The following PACS1 variants were observed in gnomAD, a reference collection of about 807,000 sequenced individuals.
PACS1 encodes phosphofurin acidic cluster sorting protein 1.
In PACS1, 24 loss-of-function variants were observed where a neutral mutation model predicts 115.0. The ratio of observed to expected loss-of-function variants is 0.21; its 90% CI spans 0.15 to 0.29. The LOEUF is 0.29. Ranked by LOEUF, PACS1 falls within the 10% of genes least tolerant of loss-of-function variation. PACS1 has a pLI of 1.00. For synonymous variants in PACS1, 453 were observed against 504.5 expected, an observed-to-expected ratio of 0.90 and a Z score of 1.37; for missense variants, 838 against 1,251.2, an observed-to-expected ratio of 0.67 and a Z score of 4.98.
chr11:66,160,712 C>T (rs1010579589), intron 1 of PACS1, among the ~76,000 whole-genome samples: 1 of 140,826 alleles, frequency 7.1e-6, no homozygotes, highest in Non-Finnish European at 1.5e-5. Flanking sequence ...GTGGGGATGA[C>T]GTCTCACTAT....
intron 1 of PACS1, among the ~76,000 whole-genome samples, chr11:66,149,250 C>T (rs1301110100): frequency 6.6e-6 from 1 of 152,004 alleles, no homozygotes; most frequent in Non-Finnish European, 1.5e-5. Context: ...CGCCACCACA[C>T]ATGACTAATT....
At chr11:66,114,271 A>C (rs2134550087) in intron 1 of PACS1, among the ~76,000 whole-genome samples, 1 of 152,210 alleles carries the variant, frequency 6.6e-6, no homozygotes, top group South Asian at 2.1e-4. Context: ...ACAAAAAATT[A>C]GCCGGGAGTA....
At chr11:66,237,365 T>C (rs1293154859) in intron 19 of PACS1, among the ~76,000 whole-genome samples, 1 of 152,192 alleles carries the variant, frequency 6.6e-6, no homozygotes, top group Admixed American at 6.5e-5. Context: ...CCCCACCAGC[T>C]TGTATCTTTT....
At chr11:66,091,177 T>A (rs1857652968) in intron 1 of PACS1, among the ~76,000 whole-genome samples, 1 of 152,214 alleles carries the variant, frequency 6.6e-6, no homozygotes, top group Middle Eastern at 3.2e-3. Flanking sequence ...AGACTCTCAC[T>A]CCAGCCCAGG....
intron 1 of PACS1, among the ~76,000 whole-genome samples, chr11:66,154,941 CAT>C (rs1859318653): frequency 6.6e-6 from 1 of 152,154 alleles, no homozygotes; most frequent in Non-Finnish European, 1.5e-5. Context: ...AAATAATAGA[CAT>C]GTACATAAAT....
chr11:66,171,692 G>A (rs1231698657), intron 1 of PACS1, among the ~76,000 whole-genome samples: 1 of 149,946 alleles, frequency 6.7e-6, no homozygotes, highest in Non-Finnish European at 1.5e-5. Flanking sequence ...CTATTCTCCT[G>A]CCTCAGCCTC....
At chr11:66,079,890 T>C (rs2134499206) in intron 1 of PACS1, among the ~76,000 whole-genome samples, 1 of 152,336 alleles carries the variant, frequency 6.6e-6, no homozygotes, top group Non-Finnish European at 1.5e-5. Flanking sequence ...CACCCTCGCC[T>C]TAGGGCTTTT....
At chr11:66,092,003 G>C (rs1565102847) in intron 1 of PACS1, among the ~76,000 whole-genome samples, 1 of 152,124 alleles carries the variant, frequency 6.6e-6, no homozygotes, top group Non-Finnish European at 1.5e-5. Context: ...TGTTGTTATA[G>C]CAGCATGATT....
chr11:66,201,241 A>T (rs1854787468), intron 2 of PACS1, among the ~76,000 whole-genome samples: 1 of 152,136 alleles, frequency 6.6e-6, no homozygotes, highest in South Asian at 2.1e-4. Flanking sequence ...AGTTGAAATA[A>T]TATCAGGCAT....
At chr11:66,218,851 T>G (rs538728824) in intron 7 of PACS1, among the ~76,000 whole-genome samples, 4 of 139,808 alleles carry the variant, frequency 2.9e-5, no homozygotes, top group African/African-American at 1.0e-4. Flanking sequence ...AGAGCAAGAC[T>G]CCATCTCTAA....
intron 1 of PACS1, among the ~76,000 whole-genome samples, chr11:66,149,854 A>G (rs2134606723): frequency 6.6e-6 from 1 of 152,166 alleles, no homozygotes; most frequent in Non-Finnish European, 1.5e-5. Context: ...GGTTCAAGCA[A>G]TTCTCCTGCC....
chr11:66,081,419 C>T (rs1857476489), intron 1 of PACS1, among the ~76,000 whole-genome samples: 2 of 149,300 alleles, frequency 1.3e-5, no homozygotes, highest in South Asian at 4.2e-4. Flanking sequence ...GTCTTCCCTG[C>T]CCCCCCCAAC....
intron 1 of PACS1, among the ~76,000 whole-genome samples, chr11:66,149,014 T>A (rs555334842): frequency 2.0e-5 from 3 of 151,920 alleles, no homozygotes; most frequent in Admixed American, 2.0e-4. Context: ...ATGTGATGCA[T>A]TTGGTCGAAA....
chr11:66,221,002 C>T (rs1036437294), intron 9 of PACS1, 152 bp from the exon 10 acceptor site: 4 of 879,018 alleles, frequency 4.6e-6, no homozygotes, highest in Non-Finnish European at 7.4e-6. Context: ...TCCTGACCCG[C>T]CCCTCCTCTT....
intron 1 of PACS1, among the ~76,000 whole-genome samples, chr11:66,117,524 C>T (rs886666781): frequency 1.3e-5 from 2 of 150,426 alleles, no homozygotes; most frequent in African/African-American, 4.9e-5. Flanking sequence ...ATTAGAGTTA[C>T]AAGACCAGCC....
chr11:66,159,858 A>G (rs1859447461), intron 1 of PACS1, among the ~76,000 whole-genome samples: 2 of 152,326 alleles, frequency 1.3e-5, no homozygotes, highest in South Asian at 4.1e-4. Flanking sequence ...AGAGGGAGAA[A>G]ATATTCTGCA....
rs192083802 is a variant in PACS1 at position 66,110,815 on chromosome 11, C to T, written c.356+39973C>T. Among the ~76,000 whole-genome samples, 169 of 152,244 alleles carry T rather than the reference C, an allele frequency of 1.1e-3. 2 individuals carry two copies. The highest frequency in any genetic ancestry group is 4.0e-4 in the Non-Finnish European group (27 of 68,018). On this transcript the variant is annotated intron_variant, in intron 1 of 23. Coordinates refer to ENST00000320580, the MANE Select transcript of PACS1 (RefSeq NM_018026.4). The stretch of plus-strand genomic sequence containing the variant: ...AACTCCTGACCTCAAGTGATCCTCC[C>T]GCCTCAGCCTCCCAAGGTGCTGGCG...
rs759792833 is a variant in PACS1, at chr11:66,233,201, G to A, written c.1838+135G>A. 3 of 646,340 alleles carry A rather than the reference G, an allele frequency of 4.6e-6. No homozygotes were observed. The highest frequency in any genetic ancestry group is 2.8e-5 in the East Asian group (1 of 35,516). The allele number at this position is 646,340 out of a possible 1,614,324, so 40.0% of individuals were successfully genotyped here. On this transcript the variant is annotated intron_variant, in intron 15 of 23. Coordinates refer to ENST00000320580, the MANE Select transcript of PACS1 (RefSeq NM_018026.4). The surrounding 1 kb of genome is among the most constrained non-coding windows in gnomAD (Gnocchi z 4.5). ...ATTTGCAGAGGGGCGTATGTTTAGGGGGGTGGCGGCAGCAGGCTGTAGGGC... is the reference window on the plus strand; with the variant it reads ...ATTTGCAGAGGGGCGTATGTTTAGGAGGGTGGCGGCAGCAGGCTGTAGGGC...
chr11:66,178,387 A>C (rs564682015), intron 1 of PACS1, among the ~76,000 whole-genome samples: 241 of 152,276 alleles, frequency 1.6e-3, no homozygotes, highest in Non-Finnish European at 2.7e-3. Context: ...GTATAGCAGT[A>C]ATTCTTTCCT....
Sources: allele counts gnomAD v4.1 joint callset (sites outside exome capture counted in the v4.1 genomes callset), GRCh38; gene constraint gnomAD v4.1.1; non-coding constraint Gnocchi (gnomAD v3.1); transcripts MANE v1.5; gene names NCBI Gene and HGNC (gene_info 2026-07-23, HGNC 2026-07-21).